Variants in MUC5B observed in about 807,000 individuals in gnomAD.
The protein encoded by MUC5B is mucin-5B.
In MUC5B, 116 loss-of-function variants were observed where a neutral mutation model predicts 376.9. The ratio of observed to expected loss-of-function variants is 0.31; its 90% CI spans 0.26 to 0.36. MUC5B has a LOEUF of 0.36. Among genes scored for constraint, MUC5B ranks in the 10% least tolerant of loss-of-function variants. The probability of loss-of-function intolerance (pLI) is 1.00; values close to 1 mark genes in which losing one functional copy is unlikely to be tolerated. For missense variants in MUC5B, 7,165 were observed against 7,769.9 expected (o/e 0.92, Z 2.93); for synonymous variants, 3,517 against 3,390.9 (o/e 1.04, Z -1.29).
In MUC5B at chr11:1,259,056, C is replaced by A. The variant is rs1483354444; in HGVS notation, c.16708C>A (p.Pro5570Thr). The A allele has an allele frequency of 6.5e-7, 1 of 1,549,396 alleles. No individual in the cohort carries two copies. Among genetic ancestry groups the A allele is most frequent in the Non-Finnish European group, 8.7e-7 (1 of 1,146,820 alleles). ...GGATGCCTGCAACAATACTACCTGTCCCCAGGTGAGACCCGAGGCACCTGC... is the reference window on the plus strand; with the variant it reads ...GGATGCCTGCAACAATACTACCTGTACCCAGGTGAGACCCGAGGCACCTGC... ...QEDACNNTTC[P>T]QGFEYKRVAG... The change falls in exon 44 of 49, where the codon CCC becomes ACC. Residue 5570 changes from proline (P) to threonine (T), a missense_variant. Transcript: ENST00000529681.
chr11:1,246,217 G>A lies in MUC5B; in HGVS notation c.9337G>A (p.Ala3113Thr). 1.2e-6 allele frequency: 2 copies of A among 1,610,304 alleles called. No individual in the cohort carries two copies. The highest frequency in any genetic ancestry group is 1.7e-6 in the Non-Finnish European group (2 of 1,178,806). Residue 3113 changes from alanine (A) to threonine (T), a missense_variant, in exon 31 of 49, where the codon GCC (alanine) becomes ACC (threonine). Physicochemically the swap from Ala to Thr is moderately conservative, Grantham distance 58. Transcript: ENST00000529681. ...CACCTCCACAGTGCTGACCACGAAGGCCACCACGACAAGGGCCACCAGTTC... is the reference window on the plus strand; with the variant it reads ...CACCTCCACAGTGCTGACCACGAAGACCACCACGACAAGGGCCACCAGTTC... The part of the protein sequence containing the change: ...THTSTVLTTK[A>T]TTTRATSSMS...
Position 1,232,250 on chromosome 11 carries a change from G to T in MUC5B, c.1843+90G>T. 2.1e-6 allele frequency: 3 copies of T among 1,446,464 alleles called. No individual in the cohort carries two copies. In the African/African-American group the frequency reaches 4.2e-5, roughly 20 times the overall value. 89.6% of individuals were successfully genotyped at this position (1,446,464 alleles called of 1,614,324 possible). A position where few individuals can be genotyped will look rare whatever the true frequency, so the allele number is the denominator to read the frequency against. ...CCTGGGCCACGGGGACCCCTGGGTG[G>T]GATTGGGGACCCCATGGAGGCAGGT... On this transcript the variant is annotated intron_variant, in intron 15 of 48. Coordinates refer to ENST00000529681, the MANE Select transcript of MUC5B (RefSeq NM_002458.3).
chr11:1,259,242 C>T (rs926034665), intron 44 of MUC5B, among the ~76,000 whole-genome samples, 181 bp downstream of exon 44: 1 of 148,800 alleles, frequency 6.7e-6, no homozygotes, highest in Non-Finnish European at 1.5e-5. Context: ...GGCACCTGCC[C>T]CCAGGTGAGA....
chr11:1,248,395 A>C lies in MUC5B; in HGVS notation c.11515A>C (p.Thr3839Pro). ...TGCCCACACCTCCACAGTGCTTACC[A>C]CCACGGCCACCACAACCAGGGCCAC... ...ETAHTSTVLT[T>P]TATTTRATGS... Residue 3839 changes from threonine (T) to proline (P), a missense_variant, in exon 31 of 49, where the codon ACC becomes CCC. Thr to Pro is a conservative substitution (Grantham distance 38, BLOSUM62 -1). This residue lies in a region of MUC5B where 242 missense variants were observed against 199.0 expected (regional missense o/e 1.22). Transcript: ENST00000529681. The C allele has an allele frequency of 6.3e-7, 1 of 1,596,814 alleles. No homozygotes were observed. The highest frequency in any genetic ancestry group is 1.4e-5 in the African/African-American group (1 of 74,042).
At position 1,250,010 on chromosome 11, in the gene MUC5B, G is replaced by C. The variant is rs1172318089; in HGVS notation, c.13130G>C (p.Ser4377Thr). The change falls in exon 31 of 49, where the codon AGT becomes ACT. Residue 4377 changes from serine (S) to threonine (T), a missense_variant. By Grantham distance (58) the Ser-to-Thr change is moderately conservative. Transcript: ENST00000529681. Reference protein sequence around the residue: ...TTKATTTRATSSTSTPSSTPG... With the variant: ...TTKATTTRATTSTSTPSSTPG... ...AAGGCCACCACGACAAGGGCCACCA[G>C]TTCCACGTCCACCCCCTCCTCCACT... The C allele has an allele frequency of 1.9e-6, 3 of 1,611,670 alleles. No homozygotes were observed. The African/African-American group carries it at 4.0e-5, about 22-fold the overall frequency.
rs762554745 is a variant in MUC5B at position 1,245,560 on chromosome 11, G to A, written c.8680G>A (p.Asp2894Asn). 18 of 1,571,106 alleles carry A rather than the reference G, an allele frequency of 1.1e-5. No individual in the cohort carries two copies. The highest frequency in any genetic ancestry group is 1.4e-5 in the African/African-American group (1 of 70,128). ...SYPMPGPSGG[D>N]FDTYSNIRAA... The stretch of plus-strand genomic sequence containing the variant: ...CCCCATGCCGGGGCCCTCTGGCGGG[G>A]ACTTTGACACCTACTCCAACATCCG... Residue 2894 changes from aspartate to asparagine, a missense_variant, in exon 31 of 49, where the codon GAC becomes AAC. Around this residue, in one of 31 missense-constraint regions of MUC5B, gnomAD observed 57 missense variants for 167.2 expected, o/e 0.34. Coordinates refer to ENST00000529681, the MANE Select transcript of MUC5B (RefSeq NM_002458.3).
At chr11:1,260,314 G>A (rs55902629) in intron 46 of MUC5B, 37 bp from the exon 47 acceptor site, 58,438 of 1,539,034 alleles carry the variant, frequency 0.038, 1,350 homozygotes, top group Middle Eastern at 0.086. Flanking sequence ...GGGAGGCCCC[G>A]CCCACAGCCC....
intron 23 of MUC5B, 125 bp from the exon 24 acceptor site, chr11:1,236,261 A>C: frequency 1.1e-6 from 1 of 922,484 alleles, no homozygotes; most frequent in East Asian, 2.7e-5. Flanking sequence ...CTCACCCCTA[A>C]CGCCAGCCGC....
At chr11:1,251,785 T>C (rs764162596) in intron 31 of MUC5B, 42 bp downstream of exon 31, 2 of 1,385,786 alleles carry the variant, frequency 1.4e-6, no homozygotes, top group Admixed American at 3.8e-5. Context: ...TTTCCCCACA[T>C]GCTATGCCAA....
rs756519496 is a variant in MUC5B, at chr11:1,238,921, C to A, written c.3348C>A (p.Cys1116Ter). The A allele has an allele frequency of 6.4e-7, 1 of 1,571,468 alleles. No homozygotes were observed. ...YEACVNDACACDSGGDCECFC... is the reference protein window; with the variant it reads ...YEACVNDACA The stretch of plus-strand genomic sequence containing the variant: ...CCTGCGTGAACGACGCGTGTGCCTG[C>A]GACTCGGGTGGCGACTGCGAGTGTT... The change falls in exon 26 of 49, where the codon TGC (cysteine) becomes TGA (stop). Residue 1116 changes from cysteine (C) to a stop codon, truncating the protein, a stop_gained. Transcript: ENST00000529681. LOFTEE classifies it high-confidence loss of function.
In MUC5B at chr11:1,227,794, C is replaced by T. The variant is rs538278703; in HGVS notation, c.774+13C>T. On this transcript the variant is annotated intron_variant, in intron 7 of 48. Transcript: ENST00000529681. ...CTGCACGGACGAGGTGAGTCCCCCG[C>T]CACCCCCAGCTCCTGGGCAGGGACG... 16 of 699,576 alleles carry T rather than the reference C, an allele frequency of 2.3e-5. No homozygotes were observed. The South Asian group carries it at 2.4e-4, about 10-fold the overall frequency. The allele number at this position is 699,576 out of a possible 1,614,324, so 43.3% of individuals were successfully genotyped here.
Position 1,225,682 on chromosome 11 carries a change from G to C in MUC5B, c.72G>C (p.Glu24Asp). ...GACTCCCATTCCCTCTTCCCACAGA[G>C]ACCCAGGGCCCTGTGGAGCCGAGCT... ...LAAMLVVPQA[E>D]TQGPVEPSWE... The change falls in exon 2 of 49, where the codon GAG becomes GAC. Residue 24 changes from glutamate (E) to aspartate (D), a missense_variant and splice_region_variant. Physicochemically the swap from Glu to Asp is conservative, Grantham distance 45. Around this residue, in one of 31 missense-constraint regions of MUC5B, gnomAD observed 640 missense variants for 733.0 expected, o/e 0.87. Coordinates refer to ENST00000529681, the MANE Select transcript of MUC5B (RefSeq NM_002458.3). 2 of 1,601,322 alleles carry C rather than the reference G, an allele frequency of 1.2e-6. No individual in the cohort carries two copies. The highest frequency in any genetic ancestry group is 1.7e-6 in the Non-Finnish European group (2 of 1,174,628).
Position 1,234,380 on chromosome 11 carries a change from G to A in MUC5B, c.2478+75G>A. ...TCCCAGCTCCCGAGCCCAGGGATCT[G>A]GTGGTCCTGGAGACACTTACCCACC... is the stretch of plus-strand genomic sequence containing the variant. On this transcript the variant is annotated intron_variant, in intron 20 of 48. Coordinates refer to ENST00000529681, the MANE Select transcript of MUC5B (RefSeq NM_002458.3). This position sits in a 1 kb window ranked among gnomAD's most constrained non-coding sequence, Gnocchi z 6.3. 4 of 1,509,636 alleles carry A rather than the reference G, an allele frequency of 2.6e-6. No homozygotes were observed. The South Asian group carries it at 4.9e-5, about 18-fold the overall frequency. 93.5% of individuals were successfully genotyped at this position (1,509,636 alleles called of 1,614,324 possible). A position where few individuals can be genotyped will look rare whatever the true frequency, so the allele number is the denominator to read the frequency against.
At position 1,258,191 on chromosome 11, in the gene MUC5B, A is replaced by G; in HGVS notation, c.16543A>G (p.Thr5515Ala). The G allele has an allele frequency of 6.3e-7, 1 of 1,594,138 alleles. No homozygotes were observed. Among genetic ancestry groups the G allele is most frequent in the South Asian group, 1.1e-5 (1 of 87,964 alleles). The stretch of plus-strand genomic sequence containing the variant: ...CCAGGAGGAGGGCGACTGCTGTCCC[A>G]CCTTCCGCTGCAGTGAGCGGGGCTG... ...CTQEEGDCCPTFRCRPQLCSY... is the reference protein window; with the variant it reads ...CTQEEGDCCPAFRCRPQLCSY... The change falls in exon 42 of 49, where the codon ACC (threonine) becomes GCC (alanine). Residue 5515 changes from threonine (T) to alanine (A), a missense_variant. Physicochemically the swap from Thr to Ala is moderately conservative, Grantham distance 58. This residue lies in a region of MUC5B where 842 missense variants were observed against 1,016.9 expected (regional missense o/e 0.83). Coordinates refer to ENST00000529681, the MANE Select transcript of MUC5B (RefSeq NM_002458.3). The surrounding 1 kb of genome is among the most constrained non-coding windows in gnomAD (Gnocchi z 5.5).
chr11:1,237,472 G>C (rs1862185266), intron 25 of MUC5B, among the ~76,000 whole-genome samples: 2 of 152,142 alleles, frequency 1.3e-5, no homozygotes, highest in African/African-American at 4.8e-5. Flanking sequence ...CCTCCTCTAT[G>C]ATCCCCAGAC....
rs760123274 is a variant in MUC5B, at chr11:1,247,268, G to C, written c.10388G>C (p.Ser3463Thr). The C allele has an allele frequency of 6.2e-7, 1 of 1,612,120 alleles. No homozygotes were observed. The highest frequency in any genetic ancestry group is 8.5e-7 in the Non-Finnish European group (1 of 1,179,554). The change falls in exon 31 of 49, where the codon AGT becomes ACT. Residue 3463 changes from serine (S) to threonine (T), a missense_variant. Physicochemically the swap from Ser to Thr is moderately conservative, Grantham distance 58. This residue lies in a region of MUC5B where 939 missense variants were observed against 770.6 expected (regional missense o/e 1.22). Transcript: ENST00000529681. Reference sequence around the variant, plus strand: ...CACGGGCGGTCCCTGCCCCCCAGCAGTCCCCACACGGTGCGCACAGCCTGG... The same window carrying C: ...CACGGGCGGTCCCTGCCCCCCAGCACTCCCCACACGGTGCGCACAGCCTGG... ...TTHGRSLPPS[S>T]PHTVRTAWTS...
chr11:1,246,089 C>T lies in MUC5B; in HGVS notation c.9209C>T (p.Pro3070Leu). 6.2e-7 allele frequency: 1 copy of T among 1,612,936 alleles called. No individual in the cohort carries two copies. The highest frequency in any genetic ancestry group is 8.5e-7 in the Non-Finnish European group (1 of 1,179,570). The change falls in exon 31 of 49, where the codon CCC becomes CTC. Residue 3070 changes from proline to leucine, a missense_variant. Transcript: ENST00000529681. ...ACAGCTACCAGCTTTACACCCATCC[C>T]CTCCTTCACCCTTGGGACCACCGGG... ...KSTATSFTPI[P>L]SFTLGTTGTL...
chr11:1,239,046 G>A lies in MUC5B; in HGVS notation c.3454+19G>A, dbSNP rs745592885. The A allele has an allele frequency of 7.5e-5, 118 of 1,568,882 alleles. No individual in the cohort carries two copies. The highest frequency in any genetic ancestry group is 5.5e-4 in the South Asian group (47 of 85,558). ...ACCTGCCGTGAGTCGGGCTCTGTCC[G>A]TGGTGCTGAAGGGTGGAGCTGCTGG... On this transcript the variant is annotated intron_variant, in intron 26 of 48. Coordinates refer to ENST00000529681, the MANE Select transcript of MUC5B (RefSeq NM_002458.3).
chr11:1,260,416 C>A (rs1862968126), intron 47 of MUC5B, 23 bp downstream of exon 47: 1 of 1,612,120 alleles, frequency 6.2e-7, no homozygotes, highest in Non-Finnish European at 8.5e-7. Context: ...CACCTTCCCA[C>A]ACCAGCCCTC....
Sources: gnomAD v4.1 joint callset for allele counts (sites outside exome capture counted in the v4.1 genomes callset) on GRCh38, gnomAD v4.1.1 for gene constraint, gnomAD v4.1.1 regional missense constraint, Gnocchi (gnomAD v3.1) non-coding constraint, MANE v1.5 for transcripts, NCBI Gene and HGNC (gene_info 2026-07-23, HGNC 2026-07-21) for gene names.